Variants in THEMIS observed in about 807,000 individuals in gnomAD.
THEMIS encodes protein THEMIS.
A neutral mutation model predicts 52.6 loss-of-function variants in THEMIS; 37 were observed. The observed-to-expected ratio is 0.70, with a 90% confidence interval of 0.54 to 0.93. The LOEUF (loss-of-function observed/expected upper bound fraction) is 0.93. Ranked by LOEUF, THEMIS falls within the 40% of genes least tolerant of loss-of-function variation. The pLI, the probability that THEMIS is intolerant of heterozygous loss-of-function variation, is 0.00. For synonymous variants in THEMIS, 292 were observed against 272.7 expected, an observed-to-expected ratio of 1.07 and a Z score of -0.70; for missense variants, 808 against 763.1, an observed-to-expected ratio of 1.06 and a Z score of -0.69.
At chr6:127,756,742 T>G (rs1775839047) in intron 4 of THEMIS, among the ~76,000 whole-genome samples, 1 of 152,190 alleles carries the variant, frequency 6.6e-6, no homozygotes, top group Non-Finnish European at 1.5e-5. Context: ...TGCAGTAATG[T>G]CAATTTGAAC....
intron 4 of THEMIS, among the ~76,000 whole-genome samples, chr6:127,746,102 G>A (rs1044043742): frequency 5.9e-5 from 9 of 151,554 alleles, no homozygotes; most frequent in South Asian, 2.1e-4. Context: ...ATTTCTCCTC[G>A]TCTTCCCAAG....
At chr6:127,808,977 C>A (rs182269103) in intron 4 of THEMIS, among the ~76,000 whole-genome samples, 103 of 152,312 alleles carry the variant, frequency 6.8e-4, no homozygotes, top group African/African-American at 2.1e-3. Flanking sequence ...GATTCTTACT[C>A]TTAGATTGCC....
At chr6:127,782,005 T>A (rs543385632) in intron 4 of THEMIS, among the ~76,000 whole-genome samples, 62 of 152,128 alleles carry the variant, frequency 4.1e-4, no homozygotes, top group African/African-American at 1.2e-3. Context: ...AGAGAAGCAA[T>A]CTATAGAGGC....
intron 4 of THEMIS, among the ~76,000 whole-genome samples, chr6:127,746,150 T>C (rs144369953): frequency 3.9e-4 from 59 of 152,028 alleles, no homozygotes; most frequent in Admixed American, 9.2e-4. Context: ...GGAATAATTA[T>C]CTATTATATA....
chr6:127,806,932 C>A lies in THEMIS; in HGVS notation c.1758+5951G>T, dbSNP rs566117210. ...TTATTCATCCTTTGCCCTCTTCTCCCGTCTTTTTCACTTCTTTAGTTGTCT... is the reference window on the plus strand; with the variant it reads ...TTATTCATCCTTTGCCCTCTTCTCCAGTCTTTTTCACTTCTTTAGTTGTCT... On this transcript the variant is annotated intron_variant, in intron 4 of 5. Coordinates refer to ENST00000368248, the MANE Select transcript of THEMIS (RefSeq NM_001010923.3). 1.1e-4 allele frequency among the ~76,000 whole-genome samples: 16 copies of A among 152,294 alleles called. No individual in the cohort carries two copies. The South Asian group carries it at 3.3e-3, about 32-fold the overall frequency.
intron 5 of THEMIS, among the ~76,000 whole-genome samples, chr6:127,716,220 C>A (rs528678299): frequency 6.6e-6 from 1 of 151,936 alleles, no homozygotes; most frequent in African/African-American, 2.4e-5. Context: ...TTTAAAAGGT[C>A]ATCCTTCCTG....
intron 5 of THEMIS, among the ~76,000 whole-genome samples, chr6:127,713,547 G>A (rs1219279849): frequency 6.6e-6 from 1 of 151,810 alleles, no homozygotes; most frequent in African/African-American, 2.4e-5. Flanking sequence ...AAAATAAAAA[G>A]GACACTGCAA....
intron 2 of THEMIS, among the ~76,000 whole-genome samples, chr6:127,837,782 C>T (rs1052436479): frequency 3.3e-5 from 5 of 151,950 alleles, no homozygotes; most frequent in African/African-American, 4.8e-5. Flanking sequence ...TAAACAATGT[C>T]GAAACTCTAC....
rs2114505008 is a variant in THEMIS, at chr6:127,900,847, A to G, written c.86T>C (p.Leu29Pro). Residue 29 changes from leucine to proline, a missense_variant, in exon 1 of 6, where the codon CTT (leucine) becomes CCT (proline). Physicochemically the swap from Leu to Pro is moderately conservative, Grantham distance 98. Coordinates refer to ENST00000368248, the MANE Select transcript of THEMIS (RefSeq NM_001010923.3). Reference sequence around the variant, plus strand: ...AGGTATTGGAGAGTGCTTACCTTCAAGATAGATGCCTGCCTGGATTTCTAG... The same window carrying G: ...AGGTATTGGAGAGTGCTTACCTTCAGGATAGATGCCTGCCTGGATTTCTAG... Reference protein sequence around the residue: ...RVLEIQAGIYLEGSIYEMFGN... With the variant: ...RVLEIQAGIYPEGSIYEMFGN... 1 of 1,612,882 alleles carries G rather than the reference A, an allele frequency of 6.2e-7. No individual in the cohort carries two copies. The highest frequency in any genetic ancestry group is 1.7e-4 in the Middle Eastern group (1 of 6,046).
chr6:127,701,337 A>G, the THEMIS span, among the ~76,000 whole-genome samples: 2 of 152,104 alleles, frequency 1.3e-5, no homozygotes, highest in East Asian at 3.9e-4. Flanking sequence ...CTGGTTTTCA[A>G]AAAACATCCA....
At chr6:127,881,741 C>CT (rs1042960559) in intron 1 of THEMIS, among the ~76,000 whole-genome samples, 3 of 151,746 alleles carry the variant, frequency 2.0e-5, no homozygotes, top group Admixed American at 6.6e-5. Context: ...TGTTTTAGGG[C>CT]TTTTTTCTAC....
At chr6:127,902,275 T>C (rs979953399), upstream of THEMIS, among the ~76,000 whole-genome samples, 34 of 141,662 alleles carry the variant, frequency 2.4e-4, no homozygotes, top group Non-Finnish European at 4.5e-4. Flanking sequence ...CAGTGAGTTG[T>C]GAACATGCCA....
chr6:127,812,005 C>G (rs565680340), intron 4 of THEMIS, among the ~76,000 whole-genome samples: 1 of 152,296 alleles, frequency 6.6e-6, no homozygotes, highest in East Asian at 1.9e-4. Flanking sequence ...GCTATTATTT[C>G]TAAGCATAGA....
At chr6:127,826,939 A>T (rs1384418679) in intron 3 of THEMIS, among the ~76,000 whole-genome samples, 7 of 150,152 alleles carry the variant, frequency 4.7e-5, no homozygotes, top group East Asian at 1.9e-4. Flanking sequence ...AAACATTTTT[A>T]TTTTTTTTTT....
intron 4 of THEMIS, among the ~76,000 whole-genome samples, chr6:127,754,318 T>G (rs1775747721): frequency 6.6e-6 from 1 of 152,166 alleles, no homozygotes; most frequent in African/African-American, 2.4e-5. Flanking sequence ...ACAAATAATA[T>G]TTTCAAACGA....
intron 4 of THEMIS, among the ~76,000 whole-genome samples, chr6:127,756,664 T>G (rs192170499): frequency 1.2e-3 from 183 of 152,314 alleles, no homozygotes; most frequent in African/African-American, 4.3e-3. Flanking sequence ...AGTATTTTAA[T>G]ATGCAGGTCA....
chr6:127,744,002 G>A (rs1176243057), intron 4 of THEMIS, among the ~76,000 whole-genome samples: 3 of 152,038 alleles, frequency 2.0e-5, no homozygotes, highest in Non-Finnish European at 2.9e-5. Context: ...CTTTTATTAA[G>A]TATTGAATAA....
intron 3 of THEMIS, among the ~76,000 whole-genome samples, chr6:127,826,681 T>G (rs565274268): frequency 6.6e-6 from 1 of 152,264 alleles, no homozygotes; most frequent in Admixed American, 6.5e-5. Flanking sequence ...TCACTCAATT[T>G]TTTCATTTGC....
chr6:127,852,221 T>G (rs1779452218), intron 2 of THEMIS, among the ~76,000 whole-genome samples: 1 of 151,324 alleles, frequency 6.6e-6, no homozygotes, highest in Non-Finnish European at 1.5e-5. Flanking sequence ...ACCCCTACCA[T>G]CAGAGCCTGC....
Sources: allele counts gnomAD v4.1 joint callset (sites outside exome capture counted in the v4.1 genomes callset), GRCh38; gene constraint gnomAD v4.1.1; transcripts MANE v1.5; gene names NCBI Gene and HGNC (gene_info 2026-07-23, HGNC 2026-07-21).